The following CPE variants were observed in gnomAD, a reference collection of about 807,000 sequenced individuals.
CPE encodes carboxypeptidase E.
A neutral mutation model predicts 53.5 loss-of-function variants in CPE; 17 were observed. The ratio of observed to expected loss-of-function variants is 0.32; its 90% CI spans 0.22 to 0.48. The LOEUF (loss-of-function observed/expected upper bound fraction) is 0.48. CPE is among the 20% of genes least tolerant of loss of function. The probability of loss-of-function intolerance (pLI) is 0.99; values close to 1 mark genes in which losing one functional copy is unlikely to be tolerated. For missense variants in CPE, 524 were observed against 614.7 expected, an observed-to-expected ratio of 0.85 and a Z score of 1.56; for synonymous variants, 226 against 228.8, an observed-to-expected ratio of 0.99 and a Z score of 0.11.
intron 3 of CPE, among the ~76,000 whole-genome samples, chr4:165,479,787 C>T (rs1246313873): frequency 2.0e-5 from 3 of 151,972 alleles, no homozygotes; most frequent in Non-Finnish European, 2.9e-5. Context: ...GTCAGGAGAT[C>T]GAGACCATCC....
At chr4:165,436,848 C>T (rs1731510263) in intron 1 of CPE, among the ~76,000 whole-genome samples, 1 of 152,272 alleles carries the variant, frequency 6.6e-6, no homozygotes, top group East Asian at 1.9e-4. Flanking sequence ...AAGGAAAAAG[C>T]TTTTGTAGAG....
chr4:165,443,466 A>G (rs1731650099), intron 1 of CPE, among the ~76,000 whole-genome samples: 1 of 152,160 alleles, frequency 6.6e-6, no homozygotes, highest in Admixed American at 6.5e-5. Context: ...TTATTTTTTC[A>G]CAGTTCTGGA....
At chr4:165,444,561 C>T (rs1307167714) in intron 1 of CPE, among the ~76,000 whole-genome samples, 3 of 152,112 alleles carry the variant, frequency 2.0e-5, no homozygotes, top group Non-Finnish European at 2.9e-5. Flanking sequence ...ATCATTGCAG[C>T]ATTGGAGGTG....
At chr4:165,381,422 A>T in intron 1 of CPE, 1 of 431,788 alleles carries the variant, frequency 2.3e-6, no homozygotes, top group South Asian at 1.6e-5. Context: ...GAATCCATCA[A>T]TAGCTGCATA....
intron 3 of CPE, among the ~76,000 whole-genome samples, chr4:165,478,258 G>A (rs1388664007): frequency 6.6e-6 from 1 of 152,078 alleles, no homozygotes; most frequent in African/African-American, 2.4e-5. Context: ...AATTTTAAAG[G>A]TACTCCAAAG....
At chr4:165,440,307 A>C (rs759760344) in intron 1 of CPE, among the ~76,000 whole-genome samples, 33 of 152,190 alleles carry the variant, frequency 2.2e-4, no homozygotes, top group Non-Finnish European at 4.7e-4. Context: ...CTCTTTACTT[A>C]TCTAGAAGTT....
At chr4:165,456,511 T>C (rs1260233948) in intron 1 of CPE, among the ~76,000 whole-genome samples, 1 of 143,580 alleles carries the variant, frequency 7.0e-6, no homozygotes, top group Non-Finnish European at 1.6e-5. Flanking sequence ...CATCTTTCTT[T>C]CTTTGTTTCT....
In CPE at chr4:165,484,432, C is replaced by T. The variant is rs4690821; in HGVS notation, c.801C>T (p.His267=). ...PYDETRSGSA[H]EYSSSPDDAI... ...GGATTTGTTTTCTAGGTAGTGCTCA[C>T]GAATACAGCTCCTCCCCAGATGACG... is the stretch of plus-strand genomic sequence containing the variant. The change falls in exon 5 of 9, where the codon CAC becomes CAT. Residue 267 remains histidine, a synonymous_variant. Coordinates refer to ENST00000402744, the MANE Select transcript of CPE (RefSeq NM_001873.4). 0.058 allele frequency: 93,938 copies of T among 1,613,434 alleles called. 3,155 individuals are homozygous for T. Among genetic ancestry groups the T allele is most frequent in the East Asian group, 0.13 (5,917 of 44,848 alleles).
chr4:165,404,408 G>T, intron 1 of CPE: 1 of 764,680 alleles, frequency 1.3e-6, no homozygotes, highest in South Asian at 1.4e-5. Flanking sequence ...GTTCATGTCA[G>T]AATTCAAATT....
At position 165,379,236 on chromosome 4, in the gene CPE, G is replaced by C; in HGVS notation, c.15G>C (p.Gly5=). The stretch of plus-strand genomic sequence containing the variant: ...GGAGCGCAGCGATGGCCGGGCGAGG[G>C]GGCAGCGCGCTGCTGGCTCTGTGCG... MAGR[G]GSALLALCGA... Residue 5 remains glycine (G), a synonymous_variant, in exon 1 of 9, where the codon GGG becomes GGC. Transcript: ENST00000402744. This position sits in a 1 kb window ranked among gnomAD's most constrained non-coding sequence, Gnocchi z 6.0. 2 of 1,250,872 alleles carry C rather than the reference G, an allele frequency of 1.6e-6. No individual in the cohort carries two copies. The highest frequency in any genetic ancestry group is 2.0e-6 in the Non-Finnish European group (2 of 1,002,076). The allele number at this position is 1,250,872 out of a possible 1,614,324, so 77.5% of individuals were successfully genotyped here. A position where few individuals can be genotyped will look rare whatever the true frequency, so the allele number is the denominator to read the frequency against.
At chr4:165,458,556 C>T (rs1384499392) in intron 1 of CPE, among the ~76,000 whole-genome samples, 1 of 152,150 alleles carries the variant, frequency 6.6e-6, no homozygotes, top group Non-Finnish European at 1.5e-5. Flanking sequence ...TTACTATAAT[C>T]AAGTTCTTTC....
At chr4:165,427,710 A>G (rs1731345610) in intron 1 of CPE, among the ~76,000 whole-genome samples, 1 of 152,192 alleles carries the variant, frequency 6.6e-6, no homozygotes, top group Non-Finnish European at 1.5e-5. Context: ...GAAGTATTCC[A>G]TTGTATCACT....
chr4:165,484,742 C>A, intron 5 of CPE, 138 bp downstream of exon 5: 1 of 828,722 alleles, frequency 1.2e-6, no homozygotes, highest in South Asian at 2.7e-5. Context: ...TATAGTTCTT[C>A]CATTAAAGTC....
At chr4:165,395,610 T>G (rs1349188853) in intron 1 of CPE, among the ~76,000 whole-genome samples, 1 of 152,220 alleles carries the variant, frequency 6.6e-6, no homozygotes, top group Non-Finnish European at 1.5e-5. Flanking sequence ...CTTTCTTGCC[T>G]TCTGTTAAAT....
intron 1 of CPE, among the ~76,000 whole-genome samples, chr4:165,389,674 A>G (rs552635535): frequency 1.3e-5 from 2 of 152,346 alleles, no homozygotes; most frequent in Non-Finnish European, 2.9e-5. Context: ...AGGTGACTTA[A>G]CGGCCATTTA....
At chr4:165,422,499 T>C (rs1338591732) in intron 1 of CPE, among the ~76,000 whole-genome samples, 1 of 152,164 alleles carries the variant, frequency 6.6e-6, no homozygotes, top group Non-Finnish European at 1.5e-5. Flanking sequence ...ATCTCATTAT[T>C]GCTATTGCAA....
chr4:165,402,356 A>G (rs1236042758), intron 1 of CPE, among the ~76,000 whole-genome samples: 1 of 152,186 alleles, frequency 6.6e-6, no homozygotes, highest in East Asian at 1.9e-4. Flanking sequence ...TTCAGTATTA[A>G]AGGATGTTGG....
chr4:165,442,787 G>C (rs28730973), intron 1 of CPE, among the ~76,000 whole-genome samples: 118 of 152,198 alleles, frequency 7.8e-4, no homozygotes, highest in African/African-American at 2.7e-3. Flanking sequence ...TTATTTTCTG[G>C]TGAAAATGGA....
intron 1 of CPE, among the ~76,000 whole-genome samples, chr4:165,414,758 C>T (rs1401689202): frequency 6.6e-6 from 1 of 151,804 alleles, no homozygotes; most frequent in African/African-American, 2.4e-5. Flanking sequence ...TACTTATTTA[C>T]AGTGTATATA....
Sources: allele counts gnomAD v4.1 joint callset (sites outside exome capture counted in the v4.1 genomes callset), GRCh38; gene constraint gnomAD v4.1.1; non-coding constraint Gnocchi (gnomAD v3.1); transcripts MANE v1.5; gene names NCBI Gene and HGNC (gene_info 2026-07-23, HGNC 2026-07-21).